The following PRRG4 variants were observed in gnomAD, a reference collection of about 807,000 sequenced individuals.
The protein encoded by PRRG4 is proline rich and Gla domain 4.
A neutral mutation model predicts 20.0 loss-of-function variants in PRRG4; 12 were observed. That is an observed-to-expected ratio of 0.60 (90% CI 0.38 to 0.97). The LOEUF (loss-of-function observed/expected upper bound fraction) is 0.97, where lower values mean the gene tolerates loss of function less well. PRRG4 is among the 50% of genes least tolerant of loss of function. The pLI, the probability that PRRG4 is intolerant of heterozygous loss-of-function variation, is 0.00. For missense variants in PRRG4, 199 were observed against 265.1 expected (o/e 0.75, Z 1.73); for synonymous variants, 94 against 96.4 (o/e 0.98, Z 0.15).
intron 2 of PRRG4, among the ~76,000 whole-genome samples, chr11:32,836,419 T>C (rs566852320): frequency 2.6e-5 from 4 of 152,310 alleles, no homozygotes; most frequent in African/African-American, 9.6e-5. Flanking sequence ...ACTTATACTA[T>C]TAATTTTGGA....
intron 4 of PRRG4, among the ~76,000 whole-genome samples, chr11:32,839,771 TATAA>T (rs1488134920): frequency 6.8e-6 from 1 of 146,594 alleles, no homozygotes; most frequent in Non-Finnish European, 1.5e-5. Flanking sequence ...ATTATTAAAA[TATAA>T]ATATATTTTG....
In PRRG4 at chr11:32,840,500, T is replaced by C. The variant is rs573661132; in HGVS notation, c.449+261T>C. 6.6e-6 allele frequency among the ~76,000 whole-genome samples: 1 copy of C among 152,350 alleles called. No individual in the cohort carries two copies. The highest frequency in any genetic ancestry group is 1.5e-5 in the Non-Finnish European group (1 of 68,028). On this transcript the variant is annotated intron_variant, in intron 5 of 5. Transcript: ENST00000257836. The surrounding 1 kb of genome is among the most constrained non-coding windows in gnomAD (Gnocchi z 4.1). Reference sequence around the variant, plus strand: ...ATGACATTGGTTCATGACTATTAACTAAACTCCAGACTTTGATTTCAGCAG... The same window carrying C: ...ATGACATTGGTTCATGACTATTAACCAAACTCCAGACTTTGATTTCAGCAG...
intron 5 of PRRG4, among the ~76,000 whole-genome samples, chr11:32,845,472 A>AT (rs1851120183): frequency 6.6e-6 from 1 of 152,080 alleles, no homozygotes; most frequent in Admixed American, 6.6e-5. Context: ...AAAAATAAAA[A>AT]TAAAAAAAAA....
rs535755032 is a variant in PRRG4, at chr11:32,856,328, T to A, written c.*2801T>A. 1 of 152,306 alleles carries A rather than the reference T, an allele frequency of 6.6e-6. No individual in the cohort carries two copies. The highest frequency in any genetic ancestry group is 1.9e-4 in the East Asian group (1 of 5,190). 9.4% of individuals were successfully genotyped at this position (152,306 alleles called of 1,614,324 possible). ...TGTAAAGCAGTTGCTCTAACTTGAA[T>A]GAGTCTAGAATTCATCATTAAGATT... On this transcript the variant is annotated 3_prime_UTR_variant, in exon 6 of 6. Transcript: ENST00000257836.
chr11:32,840,796 C>T lies in PRRG4; in HGVS notation c.449+557C>T, dbSNP rs892104984. Among the ~76,000 whole-genome samples, 13 of 152,178 alleles carry T rather than the reference C, an allele frequency of 8.5e-5. No individual in the cohort carries two copies. Among genetic ancestry groups the T allele is most frequent in the South Asian group, 2.1e-4 (1 of 4,836 alleles). On this transcript the variant is annotated intron_variant, in intron 5 of 5. Transcript: ENST00000257836. This position sits in a 1 kb window ranked among gnomAD's most constrained non-coding sequence, Gnocchi z 4.1. ...CAGAGGCAAGAAGTCCTATAGTTTACGCTGAGTCACAGAGTTAACAGATCC... is the reference window on the plus strand; with the variant it reads ...CAGAGGCAAGAAGTCCTATAGTTTATGCTGAGTCACAGAGTTAACAGATCC...
chr11:32,831,332 C>T (rs952841215), intron 2 of PRRG4, among the ~76,000 whole-genome samples: 3 of 152,212 alleles, frequency 2.0e-5, no homozygotes, highest in African/African-American at 7.2e-5. Flanking sequence ...CTTCCCCACT[C>T]AGTGTCAGTA....
chr11:32,853,692 A>T lies in PRRG4; in HGVS notation c.*165A>T. On this transcript the variant is annotated 3_prime_UTR_variant, in exon 6 of 6. Coordinates refer to ENST00000257836, the MANE Select transcript of PRRG4 (RefSeq NM_024081.6). ...AAAATTCAAAAATTACCTAGGCGTCATGGGGCATGCCTGTAGTCCCACCTA... is the reference window on the plus strand; with the variant it reads ...AAAATTCAAAAATTACCTAGGCGTCTTGGGGCATGCCTGTAGTCCCACCTA... 1 of 565,946 alleles carries T rather than the reference A, an allele frequency of 1.8e-6. No homozygotes were observed. The highest frequency in any genetic ancestry group is 3.1e-6 in the Non-Finnish European group (1 of 317,866). The allele number at this position is 565,946 out of a possible 1,614,324, so 35.1% of individuals were successfully genotyped here. A position where few individuals can be genotyped will look rare whatever the true frequency, so the allele number is the denominator to read the frequency against.
chr11:32,831,648 G>C (rs1271644716), intron 2 of PRRG4, among the ~76,000 whole-genome samples: 1 of 152,148 alleles, frequency 6.6e-6, no homozygotes, highest in Non-Finnish European at 1.5e-5. Flanking sequence ...TTAGAAGGTT[G>C]CACTTATAAG....
At chr11:32,852,085 C>T (rs1363509851) in intron 5 of PRRG4, among the ~76,000 whole-genome samples, 1 of 152,070 alleles carries the variant, frequency 6.6e-6, no homozygotes, top group Non-Finnish European at 1.5e-5. Flanking sequence ...AATGGTGAGA[C>T]TTGAACTAAG....
In PRRG4 at chr11:32,830,124, A is replaced by G; in HGVS notation, c.-72A>G. ...CCTGGCGGCCGAAGGAACCGCCCCA[A>G]GAAGAGCCTCTGGCCCGGGGGCTGC... is the stretch of plus-strand genomic sequence containing the variant. On this transcript the variant is annotated 5_prime_UTR_variant, in exon 1 of 6. Coordinates refer to ENST00000257836, the MANE Select transcript of PRRG4 (RefSeq NM_024081.6). 2.0e-6 allele frequency: 2 copies of G among 996,962 alleles called. No individual in the cohort carries two copies. Among genetic ancestry groups the G allele is most frequent in the Non-Finnish European group, 2.4e-6 (2 of 838,052 alleles). The allele number at this position is 996,962 out of a possible 1,614,324, so 61.8% of individuals were successfully genotyped here.
intron 5 of PRRG4, among the ~76,000 whole-genome samples, chr11:32,843,274 G>GT (rs1270482804): frequency 6.6e-6 from 1 of 151,992 alleles, no homozygotes; most frequent in Non-Finnish European, 1.5e-5. Flanking sequence ...ATTTTATCCT[G>GT]TTTTTTGCCT....
chr11:32,835,643 G>A (rs528370514), intron 2 of PRRG4, among the ~76,000 whole-genome samples: 5 of 152,298 alleles, frequency 3.3e-5, no homozygotes, highest in African/African-American at 7.2e-5. Context: ...TTATAGACAC[G>A]TATTTGGGGT....
rs1162903858 is a variant in PRRG4 at position 32,853,332 on chromosome 11, C to G, written c.486C>G (p.Pro162=). 1.2e-6 allele frequency: 2 copies of G among 1,614,094 alleles called. No homozygotes were observed. Among genetic ancestry groups the G allele is most frequent in the Admixed American group, 3.3e-5 (2 of 60,010 alleles). ...SAVYERGRHT[P]SIIFRRPEEA... is the part of the protein sequence containing the mutation. ...TCTATGAAAGGGGGAGGCACACTCC[C>G]TCCATCATTTTCAGAAGACCTGAGG... Residue 162 remains proline (P), a synonymous_variant, in exon 6 of 6, where the codon CCC becomes CCG. Transcript: ENST00000257836.
intron 2 of PRRG4, among the ~76,000 whole-genome samples, chr11:32,834,415 GC>G (rs1851001445): frequency 6.6e-6 from 1 of 152,044 alleles, no homozygotes; most frequent in African/African-American, 2.4e-5. Context: ...CATCACACTA[GC>G]CCCTCTATCT....
chr11:32,833,211 C>T (rs75810204), intron 2 of PRRG4, among the ~76,000 whole-genome samples: 2 of 152,290 alleles, frequency 1.3e-5, no homozygotes, highest in East Asian at 3.9e-4. Context: ...AACTTGCACA[C>T]TCAGGGAAGT....
rs576409657 is a variant in PRRG4 at position 32,830,493 on chromosome 11, T to G, written c.-22-15T>G. 3.9e-3 allele frequency: 5,650 copies of G among 1,458,366 alleles called. 60 individuals carry two copies. In the East Asian group the frequency reaches 0.04, roughly 10 times the overall value. 90.3% of individuals were successfully genotyped at this position (1,458,366 alleles called of 1,614,324 possible). ...GGGGCCTTTTTTTTTTAATATTTTT[T>G]TTTGTTTGTTTTAGTTTGTTTGACA... On this transcript the variant is annotated splice_polypyrimidine_tract_variant and intron_variant, in intron 1 of 5. Coordinates refer to ENST00000257836, the MANE Select transcript of PRRG4 (RefSeq NM_024081.6).
At chr11:32,834,895 C>A (rs766576667) in intron 2 of PRRG4, among the ~76,000 whole-genome samples, 16 of 152,160 alleles carry the variant, frequency 1.1e-4, no homozygotes, top group Non-Finnish European at 2.1e-4. Flanking sequence ...CTCACTGCAA[C>A]CTCTGCCTCC....
intron 5 of PRRG4, among the ~76,000 whole-genome samples, chr11:32,844,775 A>G (rs1345768429): frequency 6.6e-6 from 1 of 152,170 alleles, no homozygotes; most frequent in Non-Finnish European, 1.5e-5. Flanking sequence ...TGCTGGGATT[A>G]CAGGCATGAG....
intron 2 of PRRG4, among the ~76,000 whole-genome samples, chr11:32,831,985 T>A (rs1352335584): frequency 6.6e-6 from 1 of 151,674 alleles, no homozygotes; most frequent in Non-Finnish European, 1.5e-5. Context: ...TGAGACTCCA[T>A]CTCAAAAAAT....
Sources: allele counts gnomAD v4.1 joint callset (sites outside exome capture counted in the v4.1 genomes callset), GRCh38; gene constraint gnomAD v4.1.1; non-coding constraint Gnocchi (gnomAD v3.1); transcripts MANE v1.5; gene names NCBI Gene and HGNC (gene_info 2026-07-23, HGNC 2026-07-21).